The following MON1A variants were observed in gnomAD, a reference collection of about 807,000 sequenced individuals.
The protein encoded by MON1A is vacuolar fusion protein MON1 homolog A.
A neutral mutation model predicts 44.6 loss-of-function variants in MON1A; 29 were observed. The ratio of observed to expected loss-of-function variants is 0.65; its 90% CI spans 0.48 to 0.89. The LOEUF is 0.89. Ranked by LOEUF, MON1A falls within the 40% of genes least tolerant of loss-of-function variation. The probability of loss-of-function intolerance (pLI) is 0.00; values close to 1 mark genes in which losing one functional copy is unlikely to be tolerated. For missense variants in MON1A, 615 were observed against 759.6 expected (o/e 0.81, Z 2.24); for synonymous variants, 275 against 316.4 (o/e 0.87, Z 1.39).
At chr3:49,914,516 A>G (rs1213412720) in intron 1 of MON1A, among the ~76,000 whole-genome samples, 1 of 149,156 alleles carries the variant, frequency 6.7e-6, no homozygotes, top group African/African-American at 2.5e-5. Context: ...TGGGACTACA[A>G]GCACATGCCA....
intron 1 of MON1A, among the ~76,000 whole-genome samples, chr3:49,917,176 G>A (rs2082952330): frequency 1.3e-5 from 2 of 152,258 alleles, no homozygotes; most frequent in South Asian, 4.1e-4. Flanking sequence ...TGCTCAGGCT[G>A]GTCTCCAATA....
chr3:49,928,289 A>G (rs2083067579), intron 1 of MON1A, among the ~76,000 whole-genome samples: 2 of 152,342 alleles, frequency 1.3e-5, no homozygotes, highest in South Asian at 4.1e-4. Flanking sequence ...AAACTCAGAC[A>G]GGGAGGCTGA....
intron 1 of MON1A, chr3:49,916,028 G>A (rs1222667425): frequency 1.3e-5 from 2 of 152,242 alleles, no homozygotes; most frequent in Non-Finnish European, 2.9e-5. Context: ...GGACTAGAAG[G>A]GCAGAGACTC....
At chr3:49,921,283 G>A (rs1575478327) in intron 1 of MON1A, among the ~76,000 whole-genome samples, 1 of 151,040 alleles carries the variant, frequency 6.6e-6, no homozygotes, top group African/African-American at 2.4e-5. Flanking sequence ...TCAGCCTCAC[G>A]AGTAGCTGGG....
chr3:49,912,824 A>C, intron 2 of MON1A: 1 of 342,500 alleles, frequency 2.9e-6, no homozygotes, highest in Non-Finnish European at 5.7e-6. Context: ...CTGCGCTCAA[A>C]GTGTTCACAA....
chr3:49,913,053 T>C (rs774566245), intron 2 of MON1A, 167 bp downstream of exon 2: 1 of 881,378 alleles, frequency 1.1e-6, no homozygotes, highest in South Asian at 1.4e-5. Context: ...GAAAGCCAGA[T>C]GCAGAATGAG....
Position 49,911,552 on chromosome 3 carries a change from T to C in MON1A, c.587A>G (p.Lys196Arg), listed in dbSNP as rs2082885758. The C allele has an allele frequency of 6.2e-7, 1 of 1,612,992 alleles. No individual in the cohort carries two copies. Among genetic ancestry groups the C allele is most frequent in the Non-Finnish European group, 8.5e-7 (1 of 1,179,248 alleles). Residue 196 changes from lysine to arginine, a missense_variant, in exon 3 of 6, where the codon AAG becomes AGG. Physicochemically the swap from Lys to Arg is conservative, Grantham distance 26. Transcript: ENST00000296473. The surrounding 1 kb of genome is among the most constrained non-coding windows in gnomAD (Gnocchi z 5.7). ...TGCATGGATGGAGCGGATGGCGTTC[T>C]TGTCTGCCTCCAGGAAGGACACCAG... ...VALVSFLEAD[K>R]NAIRSIHADG...
At chr3:49,912,405 C>T (rs1006318308) in intron 2 of MON1A, 19 of 179,714 alleles carry the variant, frequency 1.1e-4, no homozygotes, top group African/African-American at 2.6e-4. Context: ...CCCAAGAGGC[C>T]GGCTAATTGT....
Position 49,929,771 on chromosome 3 carries a change from T to C in MON1A, c.-176A>G. On this transcript the variant is annotated 5_prime_UTR_variant, in exon 1 of 6. Transcript: ENST00000296473. ...GACATGGCCACAGCGCAGGCACCGC[T>C]CCCTCCCACCGCCCTCACCCGGCCG... The C allele has an allele frequency of 6.5e-7, 1 of 1,548,892 alleles. No individual in the cohort carries two copies. The highest frequency in any genetic ancestry group is 8.7e-7 in the Non-Finnish European group (1 of 1,146,640).
At chr3:49,929,179 A>G (rs2083074042) in intron 1 of MON1A, among the ~76,000 whole-genome samples, 2 of 152,190 alleles carry the variant, frequency 1.3e-5, no homozygotes, top group Admixed American at 6.5e-5. Flanking sequence ...CTGAGATCAC[A>G]CCACTGCACT....
chr3:49,915,143 T>A (rs1407686733), intron 1 of MON1A, among the ~76,000 whole-genome samples: 1 of 152,224 alleles, frequency 6.6e-6, no homozygotes, highest in Non-Finnish European at 1.5e-5. Context: ...TCAGGCTAGC[T>A]TTATAGATGA....
chr3:49,909,306 G>T lies in MON1A; in HGVS notation c.1474C>A (p.Arg492Ser), dbSNP rs35237924. The T allele has an allele frequency of 9.9e-6, 16 of 1,613,972 alleles. No homozygotes were observed. The East Asian group carries it at 3.6e-4, about 36-fold the overall frequency. The change falls in exon 5 of 6, where the codon CGC becomes AGC. Residue 492 changes from arginine (R) to serine (S), a missense_variant. By Grantham distance (110) the Arg-to-Ser change is moderately radical (BLOSUM62 -1). Coordinates refer to ENST00000296473, the MANE Select transcript of MON1A (RefSeq NM_032355.4). This position sits in a 1 kb window ranked among gnomAD's most constrained non-coding sequence, Gnocchi z 4.0. The part of the protein sequence containing the change: ...YLHSRAHNAS[R>S]PLKTIYYTGP... ...GTGTAGTAAATGGTCTTGAGTGGGC[G>T]AGAGGCATTGTGGGCACGACTGTGC...
At chr3:49,919,955 T>C (rs1028136029) in intron 1 of MON1A, among the ~76,000 whole-genome samples, 1 of 152,200 alleles carries the variant, frequency 6.6e-6, no homozygotes, top group African/African-American at 2.4e-5. Flanking sequence ...TGGAGGATCA[T>C]GTACCAGCTC....
At chr3:49,918,349 AC>A (rs1199486299) in intron 1 of MON1A, among the ~76,000 whole-genome samples, 1 of 151,804 alleles carries the variant, frequency 6.6e-6, no homozygotes, top group Non-Finnish European at 1.5e-5. Flanking sequence ...AAAAAAAAGA[AC>A]AAAAAAAAAG....
Position 49,909,580 on chromosome 3 carries a change from C to A in MON1A, c.1380-180G>T. On this transcript the variant is annotated intron_variant, in intron 4 of 5. Coordinates refer to ENST00000296473, the MANE Select transcript of MON1A (RefSeq NM_032355.4). This position sits in a 1 kb window ranked among gnomAD's most constrained non-coding sequence, Gnocchi z 4.0. ...GCAGGCACCCCAGGACAGGGCTGGGCCCACTGAGACTAGAGCTATGTCCCC... is the reference window on the plus strand; with the variant it reads ...GCAGGCACCCCAGGACAGGGCTGGGACCACTGAGACTAGAGCTATGTCCCC... 1 of 737,830 alleles carries A rather than the reference C, an allele frequency of 1.4e-6. No individual in the cohort carries two copies. Among genetic ancestry groups the A allele is most frequent in the Non-Finnish European group, 2.2e-6 (1 of 462,796 alleles). The allele number at this position is 737,830 out of a possible 1,614,324, so 45.7% of individuals were successfully genotyped here.
At chr3:49,914,170 A>C (rs1168873924) in intron 1 of MON1A, among the ~76,000 whole-genome samples, 1 of 146,136 alleles carries the variant, frequency 6.8e-6, no homozygotes, top group Non-Finnish European at 1.5e-5. Flanking sequence ...GGCTCACCGC[A>C]ACCTCCACCT....
Position 49,911,824 on chromosome 3 carries a change from G to C in MON1A, c.315C>G (p.Ala105=), listed in dbSNP as rs2082889928. Residue 105 remains alanine, a synonymous_variant, in exon 3 of 6, where the codon GCC becomes GCG. Coordinates refer to ENST00000296473, the MANE Select transcript of MON1A (RefSeq NM_032355.4). This position sits in a 1 kb window ranked among gnomAD's most constrained non-coding sequence, Gnocchi z 5.7. ...GCAGCATCTCCTCCTGCAGGTCCCG[G>C]GCCACACCCGTCAGCTGGGTGCTTA... ...SELSTQLTGV[A]RDLQEEMLPG... is the part of the protein sequence containing the mutation. The C allele has an allele frequency of 1.2e-6, 2 of 1,613,892 alleles. No individual in the cohort carries two copies. Among genetic ancestry groups the C allele is most frequent in the Admixed American group, 1.7e-5 (1 of 60,000 alleles).
rs139932981 is a variant in MON1A at position 49,911,937 on chromosome 3, C to G, written c.202G>C (p.Ala68Pro). The change falls in exon 3 of 6, where the codon GCT becomes CCT. Residue 68 changes from alanine (A) to proline (P), a missense_variant. Ala to Pro is a conservative substitution (Grantham distance 27). Coordinates refer to ENST00000296473, the MANE Select transcript of MON1A (RefSeq NM_032355.4). The surrounding 1 kb of genome is among the most constrained non-coding windows in gnomAD (Gnocchi z 5.7). Reference sequence around the variant, plus strand: ...CCCTCCTTGTGGCTGTCCCCAGAAGCTGCCCCATCCTCTGACTCAGTCAGG... The same window carrying G: ...CCCTCCTTGTGGCTGTCCCCAGAAGGTGCCCCATCCTCTGACTCAGTCAGG... ...EDLTESEDGAASGDSHKEGTR... is the reference protein window; with the variant it reads ...EDLTESEDGAPSGDSHKEGTR... 1.2e-6 allele frequency: 2 copies of G among 1,613,476 alleles called. No homozygotes were observed. Among genetic ancestry groups the G allele is most frequent in the Non-Finnish European group, 1.7e-6 (2 of 1,179,718 alleles).
intron 1 of MON1A, among the ~76,000 whole-genome samples, chr3:49,921,624 C>T (rs1392639992): frequency 3.5e-5 from 5 of 144,454 alleles, no homozygotes; most frequent in Non-Finnish European, 3.0e-5. Context: ...AAAAATTAGC[C>T]GGGCGTGGTA....
Sources: allele counts gnomAD v4.1 joint callset (sites outside exome capture counted in the v4.1 genomes callset), GRCh38; gene constraint gnomAD v4.1.1; non-coding constraint Gnocchi (gnomAD v3.1); transcripts MANE v1.5; gene names NCBI Gene and HGNC (gene_info 2026-07-23, HGNC 2026-07-21).